FBXW8: variants seen among roughly 807,000 people sequenced by gnomAD.
FBXW8 encodes the protein F-box and WD repeat domain containing 8, also known as F-box/WD repeat-containing protein 8.
FBXW8 carries 57 observed loss-of-function variants against 65.3 expected under a neutral mutation model. The ratio of observed to expected loss-of-function variants is 0.87; its 90% CI spans 0.71 to 1.09. FBXW8 has a LOEUF of 1.09. Among genes scored for constraint, FBXW8 ranks in the 50% least tolerant of loss-of-function variants. The pLI is 0.00. For synonymous variants in FBXW8, 308 were observed against 330.2 expected (o/e 0.93, Z 0.73); for missense variants, 777 against 814.8 (o/e 0.95, Z 0.57).
intron 8 of FBXW8, among the ~76,000 whole-genome samples, chr12:117,016,137 TG>T: frequency 6.6e-6 from 1 of 152,226 alleles, no homozygotes; most frequent in Admixed American, 6.5e-5. Flanking sequence ...ATCATTTATG[TG>T]TAAGTTTGTA....
intron 8 of FBXW8, among the ~76,000 whole-genome samples, chr12:117,018,067 C>T (rs1954001665): frequency 6.6e-6 from 1 of 152,152 alleles, no homozygotes; most frequent in Non-Finnish European, 1.5e-5. Context: ...CCAGAGCGTG[C>T]CTCCCTCTCG....
chr12:117,009,179 C>CT (rs1953746395), intron 7 of FBXW8, among the ~76,000 whole-genome samples: 1 of 152,182 alleles, frequency 6.6e-6, no homozygotes, highest in Non-Finnish European at 1.5e-5. Context: ...TGAGACCCGG[C>CT]TGGGCAACAT....
chr12:117,010,164 CTAT>C (rs1299810020), intron 7 of FBXW8, among the ~76,000 whole-genome samples, 156 bp from the exon 8 acceptor site: 1 of 152,216 alleles, frequency 6.6e-6, no homozygotes. Context: ...TGTCCCTATA[CTAT>C]CAGTAACCTG....
At chr12:116,912,130 C>T (rs954221449) in intron 1 of FBXW8, among the ~76,000 whole-genome samples, 4 of 151,332 alleles carry the variant, frequency 2.6e-5, no homozygotes, top group Admixed American at 1.3e-4. Context: ...CAAAGGAAGT[C>T]CCTACAGCTT....
chr12:116,934,605 T>C (rs1882026938), intron 2 of FBXW8, among the ~76,000 whole-genome samples: 1 of 152,200 alleles, frequency 6.6e-6, no homozygotes, highest in Non-Finnish European at 1.5e-5. Flanking sequence ...CTTTTAGGTA[T>C]TTACCAATAT....
At chr12:116,935,475 T>G (rs2137323649) in intron 2 of FBXW8, among the ~76,000 whole-genome samples, 1 of 152,354 alleles carries the variant, frequency 6.6e-6, no homozygotes, top group East Asian at 1.9e-4. Flanking sequence ...CCCTTAGTTC[T>G]TCACTTTCAC....
Position 116,942,006 on chromosome 12 carries a change from T to C in FBXW8, c.424-3358T>C, listed in dbSNP as rs1592865450. Among the ~76,000 whole-genome samples the C allele has an allele frequency of 2.0e-5, 3 of 152,272 alleles. 1 individual carries two copies. The South Asian group carries it at 6.2e-4, about 32-fold the overall frequency. On this transcript the variant is annotated intron_variant, in intron 2 of 10. Transcript: ENST00000652555. Reference sequence around the variant, plus strand: ...CAGGCCTCTGAGGCTCTGTTCATTTTATTCATTTTTTTGGTTTTGCTTTGT... The same window carrying C: ...CAGGCCTCTGAGGCTCTGTTCATTTCATTCATTTTTTTGGTTTTGCTTTGT...
chr12:116,943,655 G>C (rs572967391), intron 2 of FBXW8, among the ~76,000 whole-genome samples: 6 of 152,274 alleles, frequency 3.9e-5, no homozygotes, highest in African/African-American at 1.2e-4. Context: ...CCAGAGGGGA[G>C]AGGTTAGGGC....
intron 4 of FBXW8, among the ~76,000 whole-genome samples, chr12:116,959,721 C>A (rs1471058572): frequency 1.3e-5 from 2 of 152,138 alleles, no homozygotes; most frequent in Non-Finnish European, 2.9e-5. Flanking sequence ...GGTGGTAAAT[C>A]ATTTTAAATT....
intron 4 of FBXW8, among the ~76,000 whole-genome samples, chr12:116,955,931 C>T (rs1227550663): frequency 6.6e-6 from 1 of 152,196 alleles, no homozygotes; most frequent in Non-Finnish European, 1.5e-5. Context: ...CTTGTGCCAG[C>T]TCTGCTAACC....
intron 4 of FBXW8, chr12:116,950,356 G>C (rs1883198184): frequency 6.6e-6 from 1 of 152,298 alleles, no homozygotes; most frequent in African/African-American, 2.4e-5. Context: ...AAGATGTCAT[G>C]AACTACAGCC....
intron 1 of FBXW8, among the ~76,000 whole-genome samples, chr12:116,914,125 T>G (rs1177363870): frequency 6.6e-6 from 1 of 152,082 alleles, no homozygotes; most frequent in Non-Finnish European, 1.5e-5. Context: ...TTAAAAAATT[T>G]AGCTAGGTGT....
chr12:117,001,758 C>T lies in FBXW8; in HGVS notation c.1240-8565C>T, dbSNP rs183441564. Reference sequence around the variant, plus strand: ...GATTTTCAGCTCCCAGTCAGTCATACATTTGCACGATGGTTATCATCTCTT... The same window carrying T: ...GATTTTCAGCTCCCAGTCAGTCATATATTTGCACGATGGTTATCATCTCTT... On this transcript the variant is annotated intron_variant, in intron 7 of 10. Coordinates refer to ENST00000652555, the MANE Select transcript of FBXW8 (RefSeq NM_153348.3). 3.1e-4 allele frequency among the ~76,000 whole-genome samples: 47 copies of T among 152,300 alleles called. No homozygotes were observed. In the East Asian group the frequency reaches 5.2e-3, roughly 17 times the overall value.
At position 116,932,019 on chromosome 12, in the gene FBXW8, A is replaced by G. The variant is rs1484947340; in HGVS notation, c.423+3892A>G. ...TATTGTGTTAAAGTACATTTCTTCT[A>G]TACCTCATTTATTAAGAGTTTTTAT... On this transcript the variant is annotated intron_variant, in intron 2 of 10. Coordinates refer to ENST00000652555, the MANE Select transcript of FBXW8 (RefSeq NM_153348.3). Among the ~76,000 whole-genome samples, 2 of 152,124 alleles carry G rather than the reference A, an allele frequency of 1.3e-5. 1 individual carries two copies. Among genetic ancestry groups the G allele is most frequent in the Admixed American group, 1.3e-4 (2 of 15,272 alleles).
intron 1 of FBXW8, among the ~76,000 whole-genome samples, chr12:116,920,698 G>C (rs74774093): frequency 0.013 from 2,026 of 152,234 alleles, 40 homozygotes; most frequent in African/African-American, 0.046. Context: ...CAAAGGTTCT[G>C]TGGTGACCAG....
At chr12:116,949,217 T>C (rs1444845177) in intron 3 of FBXW8, 1 of 194,330 alleles carries the variant, frequency 5.1e-6, no homozygotes, top group Non-Finnish European at 1.1e-5. Context: ...AGGTATCATG[T>C]AATACTTTCT....
At position 117,028,605 on chromosome 12, in the gene FBXW8, C is replaced by G. The variant is rs1231084086; in HGVS notation, c.*433C>G. The G allele has an allele frequency of 5.8e-6, 1 of 171,300 alleles. No individual in the cohort carries two copies. Among genetic ancestry groups the G allele is most frequent in the Non-Finnish European group, 1.3e-5 (1 of 78,238 alleles). The allele number at this position is 171,300 out of a possible 1,614,324, so 10.6% of individuals were successfully genotyped here. A position where few individuals can be genotyped will look rare whatever the true frequency, so the allele number is the denominator to read the frequency against. On this transcript the variant is annotated 3_prime_UTR_variant, in exon 11 of 11. Transcript: ENST00000652555. This position sits in a 1 kb window ranked among gnomAD's most constrained non-coding sequence, Gnocchi z 4.1. ...TTTGGATGTGCTTGTTCCTGGCCTCCAAGGCAATAACCTCCATGTCCTTTT... is the reference window on the plus strand; with the variant it reads ...TTTGGATGTGCTTGTTCCTGGCCTCGAAGGCAATAACCTCCATGTCCTTTT...
intron 7 of FBXW8, among the ~76,000 whole-genome samples, chr12:117,008,300 A>G (rs1269401069): frequency 6.6e-6 from 1 of 152,176 alleles, no homozygotes; most frequent in African/African-American, 2.4e-5. Context: ...ATAGAACGTG[A>G]GGTTGCTCTT....
rs1290602526 is a variant in FBXW8, at chr12:116,926,284, C to G, written c.319-1739C>G. Among the ~76,000 whole-genome samples the G allele has an allele frequency of 1.3e-5, 2 of 152,244 alleles. 1 individual carries two copies. The highest frequency in any genetic ancestry group is 3.9e-4 in the East Asian group (2 of 5,182). ...TTCAATGAATGCGGGCTTTTCCTTG[C>G]CTTTGTTCTGGTTGTAGGAGGATAA... On this transcript the variant is annotated intron_variant, in intron 1 of 10. Coordinates refer to ENST00000652555, the MANE Select transcript of FBXW8 (RefSeq NM_153348.3).
Sources: gnomAD v4.1 joint callset for allele counts (sites outside exome capture counted in the v4.1 genomes callset) on GRCh38, gnomAD v4.1.1 for gene constraint, Gnocchi (gnomAD v3.1) non-coding constraint, MANE v1.5 for transcripts, NCBI Gene and HGNC (gene_info 2026-07-23, HGNC 2026-07-21) for gene names.